CLVS1: variants seen among roughly 807,000 people sequenced by gnomAD.
CLVS1 encodes the protein clavesin 1.
Under a neutral mutation model 33.1 loss-of-function variants are expected in CLVS1, and 10 were observed. That is an observed-to-expected ratio of 0.30 (90% CI 0.19 to 0.51). CLVS1 has a LOEUF of 0.51. Ranked by LOEUF, CLVS1 falls within the 20% of genes least tolerant of loss-of-function variation. CLVS1 has a pLI of 0.97. For missense variants in CLVS1, 343 were observed against 433.4 expected (o/e 0.79, Z 1.85); for synonymous variants, 163 against 166.1 (o/e 0.98, Z 0.14).
the CLVS1 span, among the ~76,000 whole-genome samples, chr8:61,031,625 A>G: frequency 1.3e-5 from 2 of 152,178 alleles, no homozygotes; most frequent in Admixed American, 6.5e-5. Context: ...TGGAGTAGTA[A>G]ATGAACACAG....
chr8:61,194,502 T>C (rs1029366817), intron 2 of CLVS1, among the ~76,000 whole-genome samples: 1 of 151,990 alleles, frequency 6.6e-6, no homozygotes, highest in African/African-American at 2.4e-5. Flanking sequence ...TGCACAATGA[T>C]AAAAGGTTTA....
intron 2 of CLVS1, among the ~76,000 whole-genome samples, chr8:61,278,589 T>C (rs1809607731): frequency 6.6e-6 from 1 of 152,232 alleles, no homozygotes; most frequent in Non-Finnish European, 1.5e-5. Context: ...CACAAACTTA[T>C]TTGGTTATAT....
chr8:61,181,837 C>A (rs1417261945), intron 2 of CLVS1, among the ~76,000 whole-genome samples: 9 of 151,348 alleles, frequency 5.9e-5, no homozygotes, highest in Non-Finnish European at 1.3e-4. Context: ...GTAGCTGGGA[C>A]TACAGGTGCC....
chr8:61,059,540 C>T (rs1359199069), intron 1 of CLVS1, among the ~76,000 whole-genome samples: 4 of 124,374 alleles, frequency 3.2e-5, no homozygotes, highest in African/African-American at 8.7e-5. Flanking sequence ...TCCTTAATTC[C>T]CTTAATAGTG....
chr8:61,436,167 C>T (rs921848965), intron 3 of CLVS1, among the ~76,000 whole-genome samples: 6 of 152,160 alleles, frequency 3.9e-5, no homozygotes, highest in African/African-American at 1.2e-4. Flanking sequence ...TGAAAAAAGT[C>T]AGCCCTCTCA....
intron 2 of CLVS1, among the ~76,000 whole-genome samples, chr8:61,365,662 C>CT (rs1813173672): frequency 6.6e-6 from 1 of 152,082 alleles, no homozygotes; most frequent in African/African-American, 2.4e-5. Flanking sequence ...GATCCTAGCT[C>CT]CATGCCTAGT....
At chr8:61,059,489 T>C (rs990845674) in intron 1 of CLVS1, among the ~76,000 whole-genome samples, 1 of 110,208 alleles carries the variant, frequency 9.1e-6, no homozygotes, top group African/African-American at 3.2e-5. Flanking sequence ...TATATATATA[T>C]ATATATATAT....
chr8:61,239,530 C>T (rs923575399), intron 2 of CLVS1, among the ~76,000 whole-genome samples: 3 of 152,014 alleles, frequency 2.0e-5, no homozygotes, highest in Non-Finnish European at 2.9e-5. Flanking sequence ...CCCAAGAATT[C>T]GAGACCCCAC....
intron 3 of CLVS1, among the ~76,000 whole-genome samples, chr8:61,399,113 T>TGA (rs1011103718): frequency 3.9e-4 from 60 of 152,350 alleles, no homozygotes; most frequent in African/African-American, 1.4e-3. Flanking sequence ...TCTAGATCTT[T>TGA]GAGGAATCTC....
At chr8:61,036,070 C>T in the CLVS1 span, among the ~76,000 whole-genome samples, 3 of 152,192 alleles carry the variant, frequency 2.0e-5, no homozygotes, top group African/African-American at 7.2e-5. Flanking sequence ...CTACACCACA[C>T]TTACATTCTG....
At chr8:61,355,748 A>AT (rs563264787) in intron 2 of CLVS1, among the ~76,000 whole-genome samples, 11 of 152,020 alleles carry the variant, frequency 7.2e-5, no homozygotes, top group Admixed American at 2.0e-4. Flanking sequence ...TGAAGTCATC[A>AT]TTTTTTATGG....
At chr8:61,016,716 G>A in the CLVS1 span, among the ~76,000 whole-genome samples, 1 of 152,222 alleles carries the variant, frequency 6.6e-6, no homozygotes, top group African/African-American at 2.4e-5. Context: ...ATTTGTGCAT[G>A]CAAGTGGTGA....
chr8:61,304,732 A>G (rs779525885), intron 2 of CLVS1, among the ~76,000 whole-genome samples: 19 of 152,298 alleles, frequency 1.2e-4, no homozygotes, highest in Non-Finnish European at 2.2e-4. Flanking sequence ...CCAGTTTGCC[A>G]TGAATGCCCC....
chr8:61,165,226 G>T (rs1371713055), intron 2 of CLVS1, among the ~76,000 whole-genome samples: 1 of 152,252 alleles, frequency 6.6e-6, no homozygotes, highest in Admixed American at 6.5e-5. Flanking sequence ...ATGGAAGTCA[G>T]CGGCGGGTCT....
At chr8:61,314,304 G>T (rs1039091741) in intron 2 of CLVS1, among the ~76,000 whole-genome samples, 2 of 152,006 alleles carry the variant, frequency 1.3e-5, no homozygotes, top group Admixed American at 1.3e-4. Flanking sequence ...CACCACCATG[G>T]GTAGGGTATT....
the CLVS1 span, among the ~76,000 whole-genome samples, chr8:60,977,560 C>G: frequency 1.3e-5 from 2 of 152,054 alleles, no homozygotes; most frequent in Non-Finnish European, 2.9e-5. Context: ...GAAAAACTCA[C>G]CAGAGGTGCT....
chr8:60,983,739 T>C, the CLVS1 span, among the ~76,000 whole-genome samples: 9 of 152,192 alleles, frequency 5.9e-5, no homozygotes, highest in African/African-American at 2.2e-4. Flanking sequence ...CTGTGTTGTC[T>C]GCTGTTACGT....
At chr8:61,263,280 T>G (rs984613002) in intron 2 of CLVS1, among the ~76,000 whole-genome samples, 3 of 152,250 alleles carry the variant, frequency 2.0e-5, no homozygotes, top group Non-Finnish European at 2.9e-5. Flanking sequence ...CATGCTTTTC[T>G]TTGAATATAA....
At chr8:61,078,748 C>T (rs1237671091) in intron 1 of CLVS1, among the ~76,000 whole-genome samples, 1 of 152,198 alleles carries the variant, frequency 6.6e-6, no homozygotes, top group African/African-American at 2.4e-5. Context: ...TGAGAGACTC[C>T]TTTTGAGTTT....
Sources: gnomAD v4.1 joint callset for allele counts (sites outside exome capture counted in the v4.1 genomes callset) on GRCh38, gnomAD v4.1.1 for gene constraint, MANE v1.5 for transcripts, NCBI Gene and HGNC (gene_info 2026-07-23, HGNC 2026-07-21) for gene names.